Variants in DNM3 observed in about 807,000 individuals in gnomAD.
DNM3 encodes the protein dynamin-3.
In DNM3, 47 loss-of-function variants were observed where a neutral mutation model predicts 101.6. The ratio of observed to expected loss-of-function variants is 0.46; its 90% CI spans 0.37 to 0.59. The LOEUF (loss-of-function observed/expected upper bound fraction) is 0.59, where lower values mean the gene tolerates loss of function less well. Among genes scored for constraint, DNM3 ranks in the 20% least tolerant of loss-of-function variants. DNM3 has a pLI of 0.00. For missense variants in DNM3, 849 were observed against 1,085.7 expected (o/e 0.78, Z 3.06); for synonymous variants, 385 against 387.9 (o/e 0.99, Z 0.09).
chr1:172,201,027 G>A (rs1402132031), intron 14 of DNM3, among the ~76,000 whole-genome samples: 1 of 152,126 alleles, frequency 6.6e-6, no homozygotes, highest in Non-Finnish European at 1.5e-5. Flanking sequence ...TATAGATTGA[G>A]TACAGTCAAT....
intron 14 of DNM3, among the ~76,000 whole-genome samples, chr1:172,224,448 T>G (rs902357724): frequency 1.3e-4 from 20 of 152,132 alleles, no homozygotes; most frequent in Admixed American, 3.9e-4. Flanking sequence ...ATCCAGGTCC[T>G]TTTACCACCA....
At chr1:172,331,185 C>T (rs1040995764) in intron 17 of DNM3, among the ~76,000 whole-genome samples, 1 of 152,124 alleles carries the variant, frequency 6.6e-6, no homozygotes, top group Admixed American at 6.6e-5. Context: ...ATTCCAGTTT[C>T]CTACCTGTCA....
chr1:172,378,567 A>G (rs1328805234), intron 17 of DNM3, among the ~76,000 whole-genome samples: 1 of 152,026 alleles, frequency 6.6e-6, no homozygotes, highest in Non-Finnish European at 1.5e-5. Flanking sequence ...CCAAATGCTG[A>G]TCCATCCCAG....
chr1:172,265,274 C>T lies in DNM3; in HGVS notation c.1769+11592C>T, dbSNP rs143849104. ...TTTAAAAAAAAAAAGGCTTCGGTGT[C>T]CTGGTGAATTAATATAATCTTTACA... On this transcript the variant is annotated intron_variant, in intron 15 of 20. Transcript: ENST00000627582. Among the ~76,000 whole-genome samples the T allele has an allele frequency of 5.1e-3, 775 of 151,726 alleles. 4 individuals carry two copies. Among genetic ancestry groups the T allele is most frequent in the African/African-American group, 0.018 (730 of 41,266 alleles).
intron 12 of DNM3, among the ~76,000 whole-genome samples, chr1:172,083,829 A>G (rs2053331889): frequency 6.6e-6 from 1 of 151,970 alleles, no homozygotes; most frequent in South Asian, 2.1e-4. Context: ...AGGGCAGGTG[A>G]TTTTTCAAAT....
chr1:172,414,547 G>A (rs997363355), downstream of DNM3, among the ~76,000 whole-genome samples: 3 of 152,166 alleles, frequency 2.0e-5, no homozygotes, highest in Middle Eastern at 3.2e-3. Context: ...CAGATCTAGT[G>A]TCCTGAGGCA....
At chr1:172,259,182 G>A (rs1045670677) in intron 15 of DNM3, among the ~76,000 whole-genome samples, 1 of 151,938 alleles carries the variant, frequency 6.6e-6, no homozygotes, top group African/African-American at 2.4e-5. Flanking sequence ...GTCTACCCTA[G>A]ACATGTTCTG....
At chr1:172,110,520 A>C (rs2055389948) in intron 13 of DNM3, among the ~76,000 whole-genome samples, 1 of 152,260 alleles carries the variant, frequency 6.6e-6, no homozygotes, top group African/African-American at 2.4e-5. Flanking sequence ...AATATTTTAA[A>C]ATCTGGAATT....
chr1:172,297,571 A>G (rs1489519829), intron 15 of DNM3, among the ~76,000 whole-genome samples: 7 of 152,088 alleles, frequency 4.6e-5, no homozygotes, highest in Non-Finnish European at 5.9e-5. Flanking sequence ...TTTATAATTT[A>G]TCTAGATGAA....
At chr1:172,002,194 C>T (rs765706330) in intron 4 of DNM3, among the ~76,000 whole-genome samples, 1 of 151,900 alleles carries the variant, frequency 6.6e-6, no homozygotes, top group African/African-American at 2.4e-5. Flanking sequence ...TTGCATTGAG[C>T]GCCCAAATGC....
intron 2 of DNM3, among the ~76,000 whole-genome samples, chr1:171,950,787 C>T (rs1038671586): frequency 3.9e-5 from 6 of 152,084 alleles, no homozygotes; most frequent in Admixed American, 2.6e-4. Context: ...GGGGTACACA[C>T]GTGTGTACTT....
At chr1:172,081,536 A>G (rs1216977756) in intron 11 of DNM3, among the ~76,000 whole-genome samples, 1 of 152,200 alleles carries the variant, frequency 6.6e-6, no homozygotes, top group Admixed American at 6.5e-5. Flanking sequence ...TACATTTTAG[A>G]GAAATCAAAT....
At chr1:172,110,491 CTG>C (rs2055388029) in intron 13 of DNM3, among the ~76,000 whole-genome samples, 1 of 152,144 alleles carries the variant, frequency 6.6e-6, no homozygotes, top group Admixed American at 6.5e-5. Context: ...CAACAAGTAA[CTG>C]TTGAATGAAA....
At chr1:172,158,889 A>G (rs2058443725) in intron 14 of DNM3, among the ~76,000 whole-genome samples, 1 of 152,136 alleles carries the variant, frequency 6.6e-6, no homozygotes, top group African/African-American at 2.4e-5. Flanking sequence ...ATTAGGTGTT[A>G]CTTTATTAAA....
chr1:172,123,783 G>T (rs752633043), intron 13 of DNM3, among the ~76,000 whole-genome samples: 4 of 152,140 alleles, frequency 2.6e-5, no homozygotes, highest in Non-Finnish European at 4.4e-5. Context: ...CAGCGGTATT[G>T]CTCCATCTTC....
intron 1 of DNM3, among the ~76,000 whole-genome samples, chr1:171,842,867 T>C (rs1052571274): frequency 5.9e-5 from 9 of 152,220 alleles, no homozygotes; most frequent in African/African-American, 2.2e-4. Flanking sequence ...AGACATTTGC[T>C]AAGAAAAGCC....
chr1:171,989,491 T>C (rs2045495956), intron 4 of DNM3, among the ~76,000 whole-genome samples: 1 of 152,094 alleles, frequency 6.6e-6, no homozygotes, highest in Admixed American at 6.6e-5. Flanking sequence ...ATTCAGACAA[T>C]CTACTAATTA....
At chr1:172,233,321 C>T (rs1445101818) in intron 14 of DNM3, among the ~76,000 whole-genome samples, 2 of 152,014 alleles carry the variant, frequency 1.3e-5, no homozygotes, top group Non-Finnish European at 2.9e-5. Context: ...ACACATACAC[C>T]CTCAGAAGAC....
chr1:172,160,309 T>A (rs939688324), intron 14 of DNM3, among the ~76,000 whole-genome samples: 1 of 152,074 alleles, frequency 6.6e-6, no homozygotes, highest in Non-Finnish European at 1.5e-5. Flanking sequence ...TTATAAACTT[T>A]CAAATTTTTA....
Sources: allele counts gnomAD v4.1 joint callset (sites outside exome capture counted in the v4.1 genomes callset), GRCh38; gene constraint gnomAD v4.1.1; transcripts MANE v1.5; gene names NCBI Gene and HGNC (gene_info 2026-07-23, HGNC 2026-07-21).